The following GRM7 variants were observed in gnomAD, a reference collection of about 807,000 sequenced individuals.
GRM7 encodes metabotropic glutamate receptor 7.
GRM7 carries 35 observed loss-of-function variants against 84.5 expected under a neutral mutation model. The observed-to-expected ratio is 0.41, with a 90% CI of 0.32 to 0.55. The LOEUF (loss-of-function observed/expected upper bound fraction) is 0.55, where lower values mean the gene tolerates loss of function less well. Ranked by LOEUF, GRM7 falls within the 20% of genes least tolerant of loss-of-function variation. GRM7 has a pLI of 0.19. For synonymous variants in GRM7, 487 were observed against 455.1 expected, an observed-to-expected ratio of 1.07 and a Z score of -0.89; for missense variants, 1,003 against 1,194.6, an observed-to-expected ratio of 0.84 and a Z score of 2.36.
At chr3:7,422,009 C>G (rs531317054) in intron 5 of GRM7, among the ~76,000 whole-genome samples, 23 of 150,634 alleles carry the variant, frequency 1.5e-4, no homozygotes, top group Non-Finnish European at 2.7e-4. Context: ...GTGGGAGGAT[C>G]ACTTGAGCCC....
At chr3:7,231,925 C>T (rs1243282326) in intron 2 of GRM7, among the ~76,000 whole-genome samples, 1 of 152,158 alleles carries the variant, frequency 6.6e-6, no homozygotes, top group South Asian at 2.1e-4. Flanking sequence ...AAAAGAATCC[C>T]ATTTCAGCCC....
At chr3:7,385,395 G>A (rs1045003665) in intron 4 of GRM7, among the ~76,000 whole-genome samples, 10 of 141,118 alleles carry the variant, frequency 7.1e-5, no homozygotes, top group Non-Finnish European at 1.1e-4. Context: ...CTGCCTCCTC[G>A]GTTCACGCCA....
intron 1 of GRM7, among the ~76,000 whole-genome samples, chr3:6,886,913 C>G (rs1695718064): frequency 6.6e-6 from 1 of 151,502 alleles, no homozygotes; most frequent in Admixed American, 6.6e-5. Flanking sequence ...TTTCAGAGGA[C>G]ATTGAGGATC....
At chr3:7,331,629 C>T (rs185855817) in intron 4 of GRM7, among the ~76,000 whole-genome samples, 1 of 152,284 alleles carries the variant, frequency 6.6e-6, no homozygotes, top group East Asian at 1.9e-4. Context: ...CATGGACATG[C>T]AGGCCTCATT....
chr3:7,378,475 A>G (rs916226098), intron 4 of GRM7, among the ~76,000 whole-genome samples: 1 of 152,190 alleles, frequency 6.6e-6, no homozygotes, highest in Non-Finnish European at 1.5e-5. Context: ...AGAAGTCCTA[A>G]GTATTACAAC....
chr3:7,529,652 G>A (rs1374932734), intron 7 of GRM7, among the ~76,000 whole-genome samples: 1 of 152,012 alleles, frequency 6.6e-6, no homozygotes, highest in East Asian at 1.9e-4. Flanking sequence ...TTCCCTGAAT[G>A]CATGAACACC....
At chr3:7,082,864 G>C (rs1698317486) in intron 1 of GRM7, among the ~76,000 whole-genome samples, 1 of 152,096 alleles carries the variant, frequency 6.6e-6, no homozygotes, top group Admixed American at 6.6e-5. Flanking sequence ...TAAAAGTGGA[G>C]CCTGAAGATG....
At chr3:6,969,580 T>G (rs1036286882) in intron 1 of GRM7, among the ~76,000 whole-genome samples, 3 of 152,218 alleles carry the variant, frequency 2.0e-5, no homozygotes, top group Admixed American at 1.3e-4. Flanking sequence ...CTGTGTTTCG[T>G]GACCTAGCAC....
At chr3:7,529,773 C>T (rs1436491073) in intron 7 of GRM7, among the ~76,000 whole-genome samples, 1 of 151,964 alleles carries the variant, frequency 6.6e-6, no homozygotes, top group Non-Finnish European at 1.5e-5. Context: ...CCCTACCAGC[C>T]CTGTTCTAAG....
chr3:7,580,683 T>C (rs1158632774), intron 8 of GRM7, among the ~76,000 whole-genome samples: 50 of 152,314 alleles, frequency 3.3e-4, no homozygotes, highest in Non-Finnish European at 1.0e-4. Flanking sequence ...GGAGAATGAA[T>C]GGTTCCAGAT....
chr3:7,358,400 T>C lies in GRM7; in HGVS notation c.1033+51748T>C, dbSNP rs554409343. Among the ~76,000 whole-genome samples, 69 of 125,154 alleles carry C rather than the reference T, an allele frequency of 5.5e-4. 5 individuals are homozygous for C. Among genetic ancestry groups the C allele is most frequent in the Middle Eastern group, 8.1e-3 (2 of 248 alleles). The allele number at this position is 125,154 out of a possible 152,430, so 82.1% of individuals were successfully genotyped here. A position where few individuals can be genotyped will look rare whatever the true frequency, so the allele number is the denominator to read the frequency against. On this transcript the variant is annotated intron_variant, in intron 4 of 9. Transcript: ENST00000357716. The stretch of plus-strand genomic sequence containing the variant: ...TCATTTGACAAATAACAAACATTCA[T>C]AAAAGTTGACAAAATTAAACGGTCA...
intron 1 of GRM7, among the ~76,000 whole-genome samples, chr3:7,059,484 C>T (rs1193897944): frequency 6.6e-6 from 1 of 151,764 alleles, no homozygotes; most frequent in African/African-American, 2.4e-5. Flanking sequence ...AAAAGATTCA[C>T]TCATATTTGT....
At chr3:7,164,987 A>T (rs2125082505) in intron 2 of GRM7, among the ~76,000 whole-genome samples, 1 of 152,374 alleles carries the variant, frequency 6.6e-6, no homozygotes, top group African/African-American at 2.4e-5. Flanking sequence ...TGGAAAAATC[A>T]GCATCTGTGT....
At chr3:6,924,094 T>C (rs1469562349) in intron 1 of GRM7, among the ~76,000 whole-genome samples, 1 of 152,190 alleles carries the variant, frequency 6.6e-6, no homozygotes, top group Non-Finnish European at 1.5e-5. Flanking sequence ...TCCTCTTCTA[T>C]AAAATGTGAA....
chr3:7,655,300 T>C (rs917692059), intron 8 of GRM7, among the ~76,000 whole-genome samples: 4 of 152,214 alleles, frequency 2.6e-5, no homozygotes, highest in African/African-American at 9.6e-5. Flanking sequence ...CAACTTTGTA[T>C]TGGCCATCAA....
intron 1 of GRM7, among the ~76,000 whole-genome samples, chr3:6,968,583 T>G (rs147639418): frequency 6.6e-6 from 1 of 152,348 alleles, no homozygotes; most frequent in East Asian, 1.9e-4. Context: ...AATAAGCTAT[T>G]TTAATATTTG....
intron 1 of GRM7, among the ~76,000 whole-genome samples, chr3:6,978,862 A>G (rs1200940223): frequency 1.3e-5 from 2 of 152,188 alleles, no homozygotes; most frequent in African/African-American, 4.8e-5. Flanking sequence ...CTTCCAGAAT[A>G]ATCATTCATC....
At chr3:7,535,365 A>G (rs940599589) in intron 7 of GRM7, 4 of 152,254 alleles carry the variant, frequency 2.6e-5, no homozygotes, top group Admixed American at 2.6e-4. Flanking sequence ...AACATTAGGA[A>G]GATAACCAAG....
At chr3:7,356,071 T>C (rs1693385284) in intron 4 of GRM7, among the ~76,000 whole-genome samples, 1 of 152,104 alleles carries the variant, frequency 6.6e-6, no homozygotes, top group East Asian at 1.9e-4. Flanking sequence ...GTTGTGCACT[T>C]TTCTTAGCAG....
Sources: gnomAD v4.1 joint callset for allele counts (sites outside exome capture counted in the v4.1 genomes callset) on GRCh38, gnomAD v4.1.1 for gene constraint, MANE v1.5 for transcripts, NCBI Gene and HGNC (gene_info 2026-07-23, HGNC 2026-07-21) for gene names.